The following FOLH1 variants were observed in gnomAD, a reference collection of about 807,000 sequenced individuals.
The protein encoded by FOLH1 is folate hydrolase 1.
Under a neutral mutation model 93.9 loss-of-function variants are expected in FOLH1, and 54 were observed. The ratio of observed to expected loss-of-function variants is 0.57; its 90% CI spans 0.46 to 0.72. The LOEUF is 0.72. Among genes scored for constraint, FOLH1 ranks in the 30% least tolerant of loss-of-function variants. FOLH1 has a pLI of 0.00. For synonymous variants in FOLH1, 249 were observed against 303.6 expected (o/e 0.82, Z 1.87); for missense variants, 571 against 892.5 (o/e 0.64, Z 4.59).
chr11:49,172,744 T>A (rs12294214), intron 10 of FOLH1, among the ~76,000 whole-genome samples: 12,188 of 152,264 alleles, frequency 0.08, 607 homozygotes, highest in South Asian at 0.21. Context: ...GTGTAATTAT[T>A]ATTTTAAAAA....
chr11:49,200,255 C>G lies in FOLH1; in HGVS notation c.411G>C (p.Glu137Asp), dbSNP rs760249223. 3.3e-6 allele frequency: 5 copies of G among 1,508,580 alleles called. No homozygotes were observed. The highest frequency in any genetic ancestry group is 3.5e-6 in the Non-Finnish European group (4 of 1,128,670). The allele number at this position is 1,508,580 out of a possible 1,614,324, so 93.4% of individuals were successfully genotyped here. Reference protein sequence around the residue: ...YISIINEDGNEIFNTSLFEPP... With the variant: ...YISIINEDGNDIFNTSLFEPP... ...TTTTATTTATTTATTTATTTTTTAC[C>G]TCATTTCCATCTTCATTAATTATTG... Residue 137 changes from glutamate (E) to aspartate (D), a missense_variant and splice_region_variant, in exon 3 of 19, where the codon GAG becomes GAC. Coordinates refer to ENST00000256999, the MANE Select transcript of FOLH1 (RefSeq NM_004476.3).
At chr11:49,171,353 G>T in intron 10 of FOLH1, 76 bp from the exon 11 acceptor site, 4 of 1,099,152 alleles carry the variant, frequency 3.6e-6, no homozygotes, top group South Asian at 2.4e-5. Context: ...GCCCAGATTG[G>T]AAAAAAAAAA....
intron 13 of FOLH1, among the ~76,000 whole-genome samples, chr11:49,158,501 C>T (rs397834828): frequency 2.6e-5 from 4 of 152,144 alleles, no homozygotes; most frequent in South Asian, 2.1e-4. Flanking sequence ...TACAATAAAC[C>T]GCAATGTCTG....
chr11:49,206,767 C>G, intron 1 of FOLH1: 1 of 1,535,808 alleles, frequency 6.5e-7, no homozygotes, highest in Non-Finnish European at 8.7e-7. Flanking sequence ...TACAATGAAA[C>G]TACAATTTAC....
At chr11:49,154,760 C>A (rs2134900966) in intron 15 of FOLH1, among the ~76,000 whole-genome samples, 1 of 151,650 alleles carries the variant, frequency 6.6e-6, no homozygotes, top group South Asian at 2.1e-4. Flanking sequence ...TCTAAGAATG[C>A]AGAACATTGC....
intron 18 of FOLH1, among the ~76,000 whole-genome samples, chr11:49,147,931 GA>G (rs200276486): frequency 0.01 from 1,506 of 149,638 alleles, 24 homozygotes; most frequent in African/African-American, 0.035. Flanking sequence ...TGTCTCTTAG[GA>G]AAAAAAGGGG....
At chr11:49,184,292 C>A (rs1861126556) in intron 6 of FOLH1, among the ~76,000 whole-genome samples, 1 of 151,788 alleles carries the variant, frequency 6.6e-6, no homozygotes. Context: ...AGAATTATGC[C>A]ATAATAAAAA....
intron 4 of FOLH1, 28 bp from the exon 5 acceptor site, chr11:49,186,797 G>A (rs1861434092): frequency 6.4e-7 from 1 of 1,563,876 alleles, no homozygotes; most frequent in Non-Finnish European, 8.6e-7. Context: ...GACTTAATAT[G>A]AGTCAGATAT....
intron 6 of FOLH1, among the ~76,000 whole-genome samples, chr11:49,183,747 A>C (rs1387612855): frequency 6.6e-6 from 1 of 152,168 alleles, no homozygotes; most frequent in Admixed American, 6.5e-5. Flanking sequence ...CACTGAAATA[A>C]GCAAGGCTTT....
chr11:49,183,353 T>C, intron 6 of FOLH1, 111 bp from the exon 7 acceptor site: 1 of 782,018 alleles, frequency 1.3e-6, no homozygotes, highest in South Asian at 2.2e-5. Flanking sequence ...ATTGTTAAAG[T>C]AAAACAGATT....
In FOLH1 at chr11:49,155,348, C is replaced by T. The variant is rs531058801; in HGVS notation, c.1624-856G>A. ...CACCTCCTGCATAACTCTGCCTAAC[C>T]TCCTACCTCACAGACAGGAGACTGA... On this transcript the variant is annotated intron_variant, in intron 15 of 18. Transcript: ENST00000256999. 1.3e-3 allele frequency among the ~76,000 whole-genome samples: 205 copies of T among 152,130 alleles called. 1 individual carries two copies. Among genetic ancestry groups the T allele is most frequent in the Middle Eastern group, 6.8e-3 (2 of 294 alleles).
chr11:49,199,256 C>T (rs2634254), intron 3 of FOLH1, among the ~76,000 whole-genome samples: 1 of 149,320 alleles, frequency 6.7e-6, no homozygotes, highest in Non-Finnish European at 1.5e-5. Context: ...TACGGTAGCT[C>T]TAAAACTGAG....
At chr11:49,147,733 G>T (rs1033147985) in intron 18 of FOLH1, among the ~76,000 whole-genome samples, 3 of 152,044 alleles carry the variant, frequency 2.0e-5, no homozygotes, top group African/African-American at 7.2e-5. Context: ...AGACGAGCCT[G>T]CGCAACATAG....
intron 13 of FOLH1, among the ~76,000 whole-genome samples, chr11:49,161,499 T>C (rs1277683643): frequency 1.3e-5 from 2 of 152,222 alleles, no homozygotes; most frequent in African/African-American, 4.8e-5. Context: ...CCTTCATCTA[T>C]TTATTTTGAC....
rs370841089 is a variant in FOLH1, at chr11:49,175,846, A to G, written c.1019+13T>C. Reference sequence around the variant, plus strand: ...CCCCCTTAAAAGAGTTAAAATTAAAATAGTCTCTTAACTGTGTAGAAAAGT... The same window carrying G: ...CCCCCTTAAAAGAGTTAAAATTAAAGTAGTCTCTTAACTGTGTAGAAAAGT... On this transcript the variant is annotated intron_variant, in intron 8 of 18. Coordinates refer to ENST00000256999, the MANE Select transcript of FOLH1 (RefSeq NM_004476.3). 5 of 1,599,298 alleles carry G rather than the reference A, an allele frequency of 3.1e-6. No homozygotes were observed. The highest frequency in any genetic ancestry group is 4.3e-6 in the Non-Finnish European group (5 of 1,174,732).
At position 49,175,924 on chromosome 11, in the gene FOLH1, G is replaced by A. The variant is rs1162937476; in HGVS notation, c.954C>T (p.Ser318=). 6.2e-7 allele frequency: 1 copy of A among 1,613,710 alleles called. No homozygotes were observed. The highest frequency in any genetic ancestry group is 8.5e-7 in the Non-Finnish European group (1 of 1,179,778). The change falls in exon 8 of 19, where the codon AGC becomes AGT. Residue 318 remains serine (S), a synonymous_variant. Transcript: ENST00000256999. ...AGGGCACTTTGAGACTTCCTCTCCA[G>A]CTGCTATCTGGTGGTGCTGAGCCAC... is the stretch of plus-strand genomic sequence containing the variant. ...KMGGSAPPDS[S]WRGSLKVPYN...
intron 17 of FOLH1, among the ~76,000 whole-genome samples, chr11:49,151,258 G>C (rs1441698084): frequency 6.6e-6 from 1 of 152,186 alleles, no homozygotes; most frequent in Non-Finnish European, 1.5e-5. Flanking sequence ...ATGAAACACA[G>C]AATACCTGTT....
intron 6 of FOLH1, 168 bp downstream of exon 6, chr11:49,185,500 AG>A: frequency 2.3e-6 from 2 of 856,326 alleles, no homozygotes; most frequent in Admixed American, 6.3e-5. Context: ...TTTCAAAATA[AG>A]GGGGTAAGGG....
chr11:49,149,097 A>G (rs1856139740), intron 17 of FOLH1, among the ~76,000 whole-genome samples: 1 of 151,574 alleles, frequency 6.6e-6, no homozygotes. Flanking sequence ...AACATCACAC[A>G]CCAGGGCCTG....
Sources: gnomAD v4.1 joint callset for allele counts (sites outside exome capture counted in the v4.1 genomes callset) on GRCh38, gnomAD v4.1.1 for gene constraint, MANE v1.5 for transcripts, NCBI Gene and HGNC (gene_info 2026-07-23, HGNC 2026-07-21) for gene names.